Variants in WWOX observed in about 807,000 individuals in gnomAD.
WWOX encodes the protein WW domain-containing oxidoreductase.
In WWOX, 69 loss-of-function variants were observed where a neutral mutation model predicts 46.2. The ratio of observed to expected loss-of-function variants is 1.49; its 90% CI spans 1.23 to 1.82. The LOEUF (loss-of-function observed/expected upper bound fraction) is 1.82, where lower values mean the gene tolerates loss of function less well. Ranked by LOEUF, WWOX falls within the 40% of genes most tolerant of loss-of-function variation. The pLI, the probability that WWOX is intolerant of heterozygous loss-of-function variation, is 0.00. For synonymous variants in WWOX, 359 were observed against 202.6 expected, an observed-to-expected ratio of 1.77 and a Z score of -6.56; for missense variants, 919 against 542.6, an observed-to-expected ratio of 1.69 and a Z score of -6.89.
At chr16:78,865,686 C>G (rs551764112) in intron 8 of WWOX, among the ~76,000 whole-genome samples, 18 of 152,188 alleles carry the variant, frequency 1.2e-4, no homozygotes, top group Admixed American at 1.1e-3. Flanking sequence ...TCGACACCAG[C>G]CTGGCCAACA....
At chr16:78,406,767 C>T (rs1401060702) in intron 6 of WWOX, among the ~76,000 whole-genome samples, 1 of 151,898 alleles carries the variant, frequency 6.6e-6, no homozygotes, top group Non-Finnish European at 1.5e-5. Flanking sequence ...GCTGGGATTA[C>T]AGTCGTGTGC....
intron 8 of WWOX, among the ~76,000 whole-genome samples, chr16:78,999,907 G>A (rs1262518068): frequency 6.6e-6 from 1 of 152,124 alleles, no homozygotes; most frequent in Non-Finnish European, 1.5e-5. Context: ...ATTATAAAAT[G>A]AAAATTCTAC....
rs190372930 is a variant in WWOX at position 78,892,582 on chromosome 16, C to G, written c.1057-319026C>G. ...TTCTTCCTCCACATTTTATCCAAAG[C>G]AGCTCCACTTTTACCTGTGTTATCT... is the stretch of plus-strand genomic sequence containing the variant. On this transcript the variant is annotated intron_variant, in intron 8 of 8. Coordinates refer to ENST00000566780, the MANE Select transcript of WWOX (RefSeq NM_016373.4). Among the ~76,000 whole-genome samples, 547 of 152,326 alleles carry G rather than the reference C, an allele frequency of 3.6e-3. 8 individuals are homozygous for G. The highest frequency in any genetic ancestry group is 1.0e-3 in the South Asian group (5 of 4,824).
At position 78,704,041 on chromosome 16, in the gene WWOX, A is replaced by C. The variant is rs1026207289; in HGVS notation, c.1056+271289A>C. On this transcript the variant is annotated intron_variant, in intron 8 of 8. Coordinates refer to ENST00000566780, the MANE Select transcript of WWOX (RefSeq NM_016373.4). ...CAACCATCACCCCTATCCATCTCCA[A>C]GTGAACTTGATTCTTAAATCTCCCA... Among the ~76,000 whole-genome samples the C allele has an allele frequency of 3.3e-5, 5 of 152,124 alleles. No homozygotes were observed. The South Asian group carries it at 8.3e-4, about 25-fold the overall frequency.
chr16:79,004,993 A>G (rs1184864613), intron 8 of WWOX, among the ~76,000 whole-genome samples: 1 of 152,170 alleles, frequency 6.6e-6, no homozygotes. Flanking sequence ...AGTTTAATAA[A>G]TGAAAAAGGG....
At chr16:78,556,163 C>T (rs1407505218) in intron 8 of WWOX, among the ~76,000 whole-genome samples, 1 of 151,828 alleles carries the variant, frequency 6.6e-6, no homozygotes, top group Non-Finnish European at 1.5e-5. Flanking sequence ...GTCAATTAGG[C>T]CCTCCTTATA....
intron 8 of WWOX, chr16:78,891,689 C>T (rs958484924): frequency 2.0e-5 from 3 of 152,160 alleles, no homozygotes; most frequent in African/African-American, 7.2e-5. Flanking sequence ...TGTCTGTTTG[C>T]TCTAACATCC....
At chr16:78,631,707 G>A (rs1249308154) in intron 8 of WWOX, among the ~76,000 whole-genome samples, 1 of 151,884 alleles carries the variant, frequency 6.6e-6, no homozygotes, top group East Asian at 1.9e-4. Flanking sequence ...GCTATTTTTT[G>A]TAGGGACAGG....
rs115606287 is a variant in WWOX, at chr16:78,978,886, G to A, written c.1057-232722G>A. ...TACAATTCAACATGAGATTTCGGCG[G>A]GGACACAGATCCAAACCTTATCACC... On this transcript the variant is annotated intron_variant, in intron 8 of 8. Transcript: ENST00000566780. 1.3e-3 allele frequency among the ~76,000 whole-genome samples: 201 copies of A among 152,142 alleles called. 1 individual carries two copies. The highest frequency in any genetic ancestry group is 4.6e-3 in the African/African-American group (189 of 41,512).
At chr16:78,495,016 G>T (rs939350470) in intron 8 of WWOX, among the ~76,000 whole-genome samples, 2 of 152,178 alleles carry the variant, frequency 1.3e-5, no homozygotes, top group South Asian at 4.2e-4. Context: ...CAAGCCCCTC[G>T]GACATGACGT....
At chr16:78,422,854 C>T (rs1262472807) in intron 6 of WWOX, among the ~76,000 whole-genome samples, 14 of 119,926 alleles carry the variant, frequency 1.2e-4, no homozygotes, top group South Asian at 4.7e-4. Flanking sequence ...TACACACACA[C>T]ACACACACAC....
At chr16:78,134,076 A>G (rs1165114877) in intron 4 of WWOX, among the ~76,000 whole-genome samples, 1 of 152,130 alleles carries the variant, frequency 6.6e-6, no homozygotes, top group Non-Finnish European at 1.5e-5. Context: ...TGTGTTTCTC[A>G]TGTTGGTTAG....
intron 8 of WWOX, among the ~76,000 whole-genome samples, chr16:79,083,377 C>T (rs1334548777): frequency 6.6e-6 from 1 of 152,170 alleles, no homozygotes; most frequent in South Asian, 2.1e-4. Context: ...CCATGTCTTC[C>T]TCCTGGGTCC....
At chr16:78,327,068 G>A (rs2080640771) in intron 5 of WWOX, among the ~76,000 whole-genome samples, 2 of 152,128 alleles carry the variant, frequency 1.3e-5, no homozygotes, top group Admixed American at 6.5e-5. Context: ...CTGCCCCCCA[G>A]GAGCATCCAT....
intron 8 of WWOX, among the ~76,000 whole-genome samples, chr16:78,819,397 A>G (rs1012605136): frequency 6.6e-6 from 1 of 152,186 alleles, no homozygotes; most frequent in Non-Finnish European, 1.5e-5. Context: ...GTCAGTTTAC[A>G]ATTTCCATGG....
chr16:78,464,817 C>G (rs913995496), intron 8 of WWOX, among the ~76,000 whole-genome samples: 1 of 152,064 alleles, frequency 6.6e-6, no homozygotes, highest in Admixed American at 6.6e-5. Context: ...GTTAGACCCT[C>G]AATAAGGAGA....
intron 8 of WWOX, among the ~76,000 whole-genome samples, chr16:78,859,385 G>T (rs899383759): frequency 6.6e-6 from 1 of 152,054 alleles, no homozygotes; most frequent in Non-Finnish European, 1.5e-5. Context: ...GAAAAGAGCA[G>T]AGGTACCTTG....
intron 8 of WWOX, among the ~76,000 whole-genome samples, chr16:78,542,284 T>C (rs977576863): frequency 1.3e-5 from 2 of 151,998 alleles, no homozygotes; most frequent in Non-Finnish European, 2.9e-5. Context: ...GATACTTGGG[T>C]AAGGAGGAGA....
intron 5 of WWOX, among the ~76,000 whole-genome samples, chr16:78,300,711 C>G (rs538426483): frequency 6.6e-6 from 1 of 152,256 alleles, no homozygotes; most frequent in African/African-American, 2.4e-5. Flanking sequence ...AAATCCTTTA[C>G]CATCAAGATA....
Sources: allele counts gnomAD v4.1 joint callset (sites outside exome capture counted in the v4.1 genomes callset), GRCh38; gene constraint gnomAD v4.1.1; transcripts MANE v1.5; gene names NCBI Gene and HGNC (gene_info 2026-07-23, HGNC 2026-07-21).